Variants in UBE2J1 observed in about 807,000 individuals in gnomAD.
UBE2J1 encodes the protein ubiquitin-conjugating enzyme E2 J1.
A neutral mutation model predicts 42.1 loss-of-function variants in UBE2J1; 17 were observed. The observed-to-expected ratio is 0.40, with a 90% confidence interval of 0.28 to 0.61. UBE2J1 has a LOEUF of 0.61. UBE2J1 is among the 20% of genes least tolerant of loss of function. The pLI is 0.38. For missense variants in UBE2J1, 291 were observed against 389.4 expected (o/e 0.75, Z 2.13); for synonymous variants, 127 against 137.2 (o/e 0.93, Z 0.52).
At chr6:89,336,464 T>C in intron 5 of UBE2J1, among the ~76,000 whole-genome samples, 1 of 23,510 alleles carries the variant, frequency 4.3e-5, no homozygotes, top group East Asian at 0.022. Context: ...CTAATTTTTA[T>C]TTTATTTTAT....
chr6:89,350,864 T>C (rs1025152738), intron 1 of UBE2J1, among the ~76,000 whole-genome samples: 3 of 152,122 alleles, frequency 2.0e-5, no homozygotes, highest in African/African-American at 4.8e-5. Context: ...ATGTGCATTA[T>C]CCTCTGGACC....
At chr6:89,352,341 G>A (rs1768501703) in intron 1 of UBE2J1, among the ~76,000 whole-genome samples, 198 bp downstream of exon 1, 1 of 152,208 alleles carries the variant, frequency 6.6e-6, no homozygotes, top group Non-Finnish European at 1.5e-5. Context: ...CTGGCCGGCC[G>A]GGGGATTGGC....
chr6:89,343,870 G>A (rs1432482887), intron 1 of UBE2J1, 114 bp from the exon 2 acceptor site: 2 of 695,256 alleles, frequency 2.9e-6, no homozygotes, highest in African/African-American at 3.6e-5. Flanking sequence ...ATGAGCATAT[G>A]GCAAAGGTTT....
chr6:89,352,472 G>A, intron 1 of UBE2J1, 67 bp downstream of exon 1: 5 of 1,491,810 alleles, frequency 3.4e-6, no homozygotes, highest in Non-Finnish European at 2.7e-6. Context: ...AGGGGACCGA[G>A]GCGGCGACCA....
chr6:89,331,256 C>G (rs528944252), intron 7 of UBE2J1, among the ~76,000 whole-genome samples: 1 of 152,290 alleles, frequency 6.6e-6, no homozygotes, highest in Admixed American at 6.5e-5. Context: ...TAATCATACT[C>G]TGAGATAGTT....
chr6:89,335,386 A>T lies in UBE2J1; in HGVS notation c.474T>A (p.Asp158Glu), dbSNP rs763140036. Residue 158 changes from aspartate (D) to glutamate (E), a missense_variant, in exon 6 of 8, where the codon GAT becomes GAA. By Grantham distance (45) the Asp-to-Glu change is conservative. This residue lies in a region of UBE2J1 where 176 missense variants were observed against 196.3 expected (regional missense o/e 0.90). Transcript: ENST00000435041. ...CCEGCGSAMKDVLLPLKSGSD... is the reference protein window; with the variant it reads ...CCEGCGSAMKEVLLPLKSGSD... ...TTCCAGATTTTAAAGGCAACAGGAC[A>T]TCCTTCATGGCAGAGCCACATCCTT... 6.2e-7 allele frequency: 1 copy of T among 1,606,380 alleles called. No individual in the cohort carries two copies. Among genetic ancestry groups the T allele is most frequent in the Non-Finnish European group, 8.5e-7 (1 of 1,175,170 alleles).
intron 1 of UBE2J1, among the ~76,000 whole-genome samples, chr6:89,351,903 C>T (rs1383293896): frequency 6.6e-6 from 1 of 152,170 alleles, no homozygotes; most frequent in African/African-American, 2.4e-5. Flanking sequence ...GGAAAGGAAT[C>T]GCTACGACTG....
At chr6:89,339,465 AGAGGGG>A (rs1261168653) in intron 3 of UBE2J1, among the ~76,000 whole-genome samples, 1 of 8,114 alleles carries the variant, frequency 1.2e-4, no homozygotes, top group Admixed American at 1.3e-3. Flanking sequence ...GGAGGGGAGG[AGAGGGG>A]GGGAGGGGGG....
chr6:89,339,868 T>G (rs984739383), intron 3 of UBE2J1, among the ~76,000 whole-genome samples: 1 of 151,398 alleles, frequency 6.6e-6, no homozygotes, highest in Non-Finnish European at 1.5e-5. Flanking sequence ...TAAAAAAAAT[T>G]TAGCCAAGCG....
intron 6 of UBE2J1, among the ~76,000 whole-genome samples, chr6:89,334,063 G>A (rs60851265): frequency 0.079 from 11,986 of 152,160 alleles, 565 homozygotes; most frequent in East Asian, 0.22. Flanking sequence ...GAGTGCAGAG[G>A]CACAATCTTG....
chr6:89,343,434 C>CAAA (rs58981898), intron 2 of UBE2J1, among the ~76,000 whole-genome samples: 46 of 80,990 alleles, frequency 5.7e-4, no homozygotes, highest in African/African-American at 7.4e-4. Flanking sequence ...GACTCCGCCT[C>CAAA]AAAAAAAAAA....
intron 5 of UBE2J1, 37 bp from the exon 6 acceptor site, chr6:89,335,468 T>C (rs1472408084): frequency 6.7e-7 from 1 of 1,481,750 alleles, no homozygotes; most frequent in South Asian, 1.3e-5. Flanking sequence ...AAATAAATAG[T>C]TAAATGTTTA....
intron 5 of UBE2J1, among the ~76,000 whole-genome samples, chr6:89,335,677 A>G (rs558658230): frequency 4.7e-4 from 71 of 152,326 alleles, no homozygotes; most frequent in African/African-American, 1.7e-3. Context: ...TAAACTATCT[A>G]AAGAAAAATA....
rs1249107142 is a variant in UBE2J1 at position 89,328,055 on chromosome 6, A to G, written c.*1624T>C. 6.6e-6 allele frequency: 1 copy of G among 152,232 alleles called. No individual in the cohort carries two copies. Among genetic ancestry groups the G allele is most frequent in the African/African-American group, 2.4e-5 (1 of 41,458 alleles). The allele number at this position is 152,232 out of a possible 1,614,324, so 9.4% of individuals were successfully genotyped here. A position where few individuals can be genotyped will look rare whatever the true frequency, so the allele number is the denominator to read the frequency against. ...TTTAACAAATTCAGCTACAGATATA[A>G]AAAATAATCTGTAAACACCTTTAAA... On this transcript the variant is annotated 3_prime_UTR_variant, in exon 8 of 8. Transcript: ENST00000435041.
intron 1 of UBE2J1, among the ~76,000 whole-genome samples, chr6:89,345,816 A>C (rs1018704305): frequency 6.6e-6 from 1 of 151,464 alleles, no homozygotes; most frequent in South Asian, 2.1e-4. Flanking sequence ...CTGAGGCAGG[A>C]GAATCGCTTA....
At chr6:89,345,369 AG>A (rs1768340754) in intron 1 of UBE2J1, among the ~76,000 whole-genome samples, 2 of 152,318 alleles carry the variant, frequency 1.3e-5, no homozygotes, top group African/African-American at 4.8e-5. Context: ...TGGGAGACCG[AG>A]GCGAGTGGAT....
intron 5 of UBE2J1, among the ~76,000 whole-genome samples, chr6:89,337,770 C>A (rs1304824757): frequency 6.6e-6 from 1 of 152,102 alleles, no homozygotes; most frequent in African/African-American, 2.4e-5. Context: ...TATTCCAGAT[C>A]ATTTATTAAG....
chr6:89,351,069 CTTTTTTTTTTTTTTTTTTT>C (rs1193022037), intron 1 of UBE2J1, among the ~76,000 whole-genome samples: 2 of 60,462 alleles, frequency 3.3e-5, no homozygotes, highest in South Asian at 1.2e-3. Context: ...CCGGGATTCT[CTTTTTTTTTTTTTTTTTTT>C]TTTTTTTTTT....
chr6:89,336,284 C>CTGTT (rs113631116), intron 5 of UBE2J1, among the ~76,000 whole-genome samples: 3,491 of 151,244 alleles, frequency 0.023, 148 homozygotes, highest in African/African-American at 0.08. Flanking sequence ...TTTAGTTTTT[C>CTGTT]TGTTTGTTTG....
Sources: gnomAD v4.1 joint callset for allele counts (sites outside exome capture counted in the v4.1 genomes callset) on GRCh38, gnomAD v4.1.1 for gene constraint, gnomAD v4.1.1 regional missense constraint, MANE v1.5 for transcripts, NCBI Gene and HGNC (gene_info 2026-07-23, HGNC 2026-07-21) for gene names.